ZNF354C: variants seen among roughly 807,000 people sequenced by gnomAD.
ZNF354C encodes the protein zinc finger protein 354C.
Under a neutral mutation model 12.4 loss-of-function variants are expected in ZNF354C, and 7 were observed. That is an observed-to-expected ratio of 0.56 (90% CI 0.32 to 1.06). ZNF354C has a LOEUF of 1.06. ZNF354C is among the 50% of genes least tolerant of loss of function. The pLI is 0.04. For synonymous variants in ZNF354C, 202 were observed against 224.5 expected, an observed-to-expected ratio of 0.90 and a Z score of 0.90; for missense variants, 609 against 658.0, an observed-to-expected ratio of 0.93 and a Z score of 0.81.
At chr5:179,069,576 A>AAG (rs1554119873) in intron 2 of ZNF354C, among the ~76,000 whole-genome samples, 4 of 150,024 alleles carry the variant, frequency 2.7e-5, no homozygotes, top group Admixed American at 6.6e-5. Flanking sequence ...AAAAAAAAAA[A>AAG]AAAGAAAGGC....
chr5:179,065,399 G>A (rs1761946190), intron 2 of ZNF354C, among the ~76,000 whole-genome samples: 1 of 151,836 alleles, frequency 6.6e-6, no homozygotes. Flanking sequence ...GGGTTAGGTT[G>A]TTTTTTGTTT....
chr5:179,069,154 A>G (rs1301202784), intron 2 of ZNF354C, among the ~76,000 whole-genome samples: 3 of 152,156 alleles, frequency 2.0e-5, no homozygotes, highest in Admixed American at 2.0e-4. Flanking sequence ...TTAACCTGAA[A>G]GACTGGTTCA....
At chr5:179,062,398 T>A (rs1761905471) in intron 2 of ZNF354C, among the ~76,000 whole-genome samples, 1 of 152,118 alleles carries the variant, frequency 6.6e-6, no homozygotes, top group Non-Finnish European at 1.5e-5. Context: ...TGAAGCAGTC[T>A]CTGTCTTCAT....
intron 2 of ZNF354C, among the ~76,000 whole-genome samples, chr5:179,063,348 C>T (rs1468252253): frequency 1.3e-5 from 2 of 152,142 alleles, no homozygotes; most frequent in African/African-American, 2.4e-5. Context: ...TTGCTTGAGC[C>T]CAGAAGTTTG....
intron 2 of ZNF354C, among the ~76,000 whole-genome samples, chr5:179,069,142 A>G (rs1023303515): frequency 2.0e-5 from 3 of 152,216 alleles, no homozygotes; most frequent in Admixed American, 6.5e-5. Context: ...GGCCCTTGAA[A>G]TTTAACCTGA....
intron 2 of ZNF354C, among the ~76,000 whole-genome samples, chr5:179,069,844 C>T (rs578116853): frequency 2.5e-3 from 387 of 152,182 alleles, no homozygotes; most frequent in Admixed American, 5.6e-3. Context: ...CCAGCCTGGG[C>T]GACAGAGCAA....
chr5:179,075,000 G>C (rs575190220), intron 2 of ZNF354C, among the ~76,000 whole-genome samples: 1 of 152,286 alleles, frequency 6.6e-6, no homozygotes, highest in East Asian at 1.9e-4. Context: ...GTTCACACCT[G>C]TAAGTCCAGC....
chr5:179,082,803 C>A lies in ZNF354C; in HGVS notation c.*2706C>A. On this transcript the variant is annotated 3_prime_UTR_variant, in exon 5 of 5. Transcript: ENST00000315475. ...ATCATCCAGGGTGATGTTCTTCAAG[C>A]GACTGACCAACCGATCAGGTCGAGG... 7.4e-7 allele frequency: 1 copy of A among 1,352,182 alleles called. No individual in the cohort carries two copies. The highest frequency in any genetic ancestry group is 1.2e-5 in the South Asian group (1 of 85,700). The allele number at this position is 1,352,182 out of a possible 1,614,324, so 83.8% of individuals were successfully genotyped here. A position where few individuals can be genotyped will look rare whatever the true frequency, so the allele number is the denominator to read the frequency against.
Position 179,081,345 on chromosome 5 carries a change from GAATT to G in ZNF354C, c.*1254_*1257del, listed in dbSNP as rs952210397. 2.0e-5 allele frequency: 3 copies of G among 151,966 alleles called. No homozygotes were observed. The highest frequency in any genetic ancestry group is 4.8e-5 in the African/African-American group (2 of 41,366). The allele number at this position is 151,966 out of a possible 1,614,324, so 9.4% of individuals were successfully genotyped here. ...TGCCTTCTTATTACACATATTTTAG[GAATT>G]AATTATTTTATGGAAAGTTATATAT... On this transcript the variant is annotated 3_prime_UTR_variant, in exon 5 of 5. Coordinates refer to ENST00000315475, the MANE Select transcript of ZNF354C (RefSeq NM_014594.3).
At chr5:179,066,021 C>T (rs1761954758) in intron 2 of ZNF354C, among the ~76,000 whole-genome samples, 1 of 152,108 alleles carries the variant, frequency 6.6e-6, no homozygotes, top group African/African-American at 2.4e-5. Flanking sequence ...AAGACAGGCA[C>T]CACTCCTAGA....
At chr5:179,073,048 G>A (rs1371890503) in intron 2 of ZNF354C, among the ~76,000 whole-genome samples, 4 of 152,062 alleles carry the variant, frequency 2.6e-5, no homozygotes, top group African/African-American at 9.7e-5. Flanking sequence ...GAAAAAAATT[G>A]TACTACATAC....
chr5:179,081,570 T>A lies in ZNF354C; in HGVS notation c.*1473T>A, dbSNP rs1762226889. The A allele has an allele frequency of 6.6e-6, 1 of 152,234 alleles. No homozygotes were observed. Among genetic ancestry groups the A allele is most frequent in the South Asian group, 2.1e-4 (1 of 4,836 alleles). 9.4% of individuals were successfully genotyped at this position (152,234 alleles called of 1,614,324 possible). ...CAAGCAGTCAGTATAGTATATTTCT[T>A]AACCGACTGGTTTTAGCTTATCAGA... On this transcript the variant is annotated 3_prime_UTR_variant, in exon 5 of 5. Coordinates refer to ENST00000315475, the MANE Select transcript of ZNF354C (RefSeq NM_014594.3).
chr5:179,062,993 G>A (rs1278951140), intron 2 of ZNF354C, among the ~76,000 whole-genome samples: 1 of 152,100 alleles, frequency 6.6e-6, no homozygotes, highest in Non-Finnish European at 1.5e-5. Flanking sequence ...TTCCGACGTG[G>A]AAGTCCCATC....
At position 179,080,181 on chromosome 5, in the gene ZNF354C, T is replaced by C. The variant is rs1762207443; in HGVS notation, c.*84T>C. The C allele has an allele frequency of 9.4e-6, 10 of 1,063,650 alleles. No individual in the cohort carries two copies. Among genetic ancestry groups the C allele is most frequent in the Non-Finnish European group, 1.1e-5 (8 of 748,130 alleles). 65.9% of individuals were successfully genotyped at this position (1,063,650 alleles called of 1,614,324 possible). On this transcript the variant is annotated 3_prime_UTR_variant, in exon 5 of 5. Transcript: ENST00000315475. ...TACAAACTCCTAATAGATTTGTCTTTTTTACTTCTCCTGAAGGAAATATGT... is the reference window on the plus strand; with the variant it reads ...TACAAACTCCTAATAGATTTGTCTTCTTTACTTCTCCTGAAGGAAATATGT...
chr5:179,083,223 A>G lies in ZNF354C; in HGVS notation c.*3126A>G. ...TGATTCATAAAAAAACCTATAAGAG[A>G]CATTTGGGGGGATATTTGGGGAAAT... On this transcript the variant is annotated 3_prime_UTR_variant, in exon 5 of 5. Coordinates refer to ENST00000315475, the MANE Select transcript of ZNF354C (RefSeq NM_014594.3). The G allele has an allele frequency of 3.6e-6, 1 of 278,970 alleles. No individual in the cohort carries two copies. 17.3% of individuals were successfully genotyped at this position (278,970 alleles called of 1,614,324 possible).
At chr5:179,062,972 CCTGT>C (rs1270925791) in intron 2 of ZNF354C, among the ~76,000 whole-genome samples, 1 of 152,178 alleles carries the variant, frequency 6.6e-6, no homozygotes, top group Non-Finnish European at 1.5e-5. Flanking sequence ...TCCTAGCATT[CCTGT>C]CTGTCATTCC....
rs954259329 is a variant in ZNF354C, at chr5:179,081,563, T to C, written c.*1466T>C. On this transcript the variant is annotated 3_prime_UTR_variant, in exon 5 of 5. Transcript: ENST00000315475. Reference sequence around the variant, plus strand: ...TTAAACTCAAGCAGTCAGTATAGTATATTTCTTAACCGACTGGTTTTAGCT... The same window carrying C: ...TTAAACTCAAGCAGTCAGTATAGTACATTTCTTAACCGACTGGTTTTAGCT... The C allele has an allele frequency of 2.0e-5, 3 of 152,218 alleles. No homozygotes were observed. Among genetic ancestry groups the C allele is most frequent in the Non-Finnish European group, 2.9e-5 (2 of 68,038 alleles). The allele number at this position is 152,218 out of a possible 1,614,324, so 9.4% of individuals were successfully genotyped here. A position where few individuals can be genotyped will look rare whatever the true frequency, so the allele number is the denominator to read the frequency against.
At position 179,081,233 on chromosome 5, in the gene ZNF354C, C is replaced by G. The variant is rs1024748681; in HGVS notation, c.*1136C>G. 2.0e-5 allele frequency: 3 copies of G among 152,094 alleles called. No homozygotes were observed. The highest frequency in any genetic ancestry group is 7.2e-5 in the African/African-American group (3 of 41,402). The allele number at this position is 152,094 out of a possible 1,614,324, so 9.4% of individuals were successfully genotyped here. A position where few individuals can be genotyped will look rare whatever the true frequency, so the allele number is the denominator to read the frequency against. On this transcript the variant is annotated 3_prime_UTR_variant, in exon 5 of 5. Coordinates refer to ENST00000315475, the MANE Select transcript of ZNF354C (RefSeq NM_014594.3). ...TTTTCTTATGAGTCCCTAATTATGC[C>G]TGCTTTTGTTATAATTGTACTTAAA...
intron 2 of ZNF354C, among the ~76,000 whole-genome samples, chr5:179,075,764 ACCTCATT>A (rs1268672752): frequency 6.6e-6 from 1 of 152,194 alleles, no homozygotes; most frequent in African/African-American, 2.4e-5. Context: ...ATAGAGATCT[ACCTCATT>A]CTATTTAGCG....
Sources: allele counts gnomAD v4.1 joint callset (sites outside exome capture counted in the v4.1 genomes callset), GRCh38; gene constraint gnomAD v4.1.1; transcripts MANE v1.5; gene names NCBI Gene and HGNC (gene_info 2026-07-23, HGNC 2026-07-21).